The following IQANK1 variants were observed in gnomAD, a reference collection of about 807,000 sequenced individuals.
IQANK1 encodes the protein IQ motif and ankyrin repeat domain-containing protein 1.
Under a neutral mutation model 22.6 loss-of-function variants are expected in IQANK1, and 30 were observed. That is an observed-to-expected ratio of 1.33 (90% CI 0.99 to 1.80). The LOEUF (loss-of-function observed/expected upper bound fraction) is 1.80, where lower values mean the gene tolerates loss of function less well. Ranked by LOEUF, IQANK1 falls within the 40% of genes most tolerant of loss-of-function variation. The pLI is 0.00. For missense variants in IQANK1, 275 were observed against 235.2 expected (o/e 1.17, Z -1.11); for synonymous variants, 122 against 99.6 (o/e 1.23, Z -1.34).
chr8:143,740,001 AG>A (rs1165717294), intron 3 of IQANK1, 53 bp downstream of exon 3: 14 of 660,078 alleles, frequency 2.1e-5, no homozygotes, highest in South Asian at 4.9e-5. Context: ...AGCTGTTGGC[AG>A]GGGGGTGCCC....
chr8:143,790,402 G>T lies in IQANK1; in HGVS notation c.1477G>T (p.Val493Leu). The change falls in exon 14 of 14, where the codon GTG (valine) becomes TTG (leucine). Residue 493 changes from valine to leucine, a missense_variant. Physicochemically the swap from Val to Leu is conservative, Grantham distance 32 (BLOSUM62 1). Transcript: ENST00000527139. The stretch of plus-strand genomic sequence containing the variant: ...GCGAGAGGAAGACCTGTTCCCAGTC[G>T]TGCAGCGGCAGCTGGAGGCGGTGCA... ...DLREEDLFPVVQRQLEAVQER... is the reference protein window; with the variant it reads ...DLREEDLFPVLQRQLEAVQER... The T allele has an allele frequency of 1.2e-6, 1 of 836,946 alleles. No homozygotes were observed. 51.8% of individuals were successfully genotyped at this position (836,946 alleles called of 1,614,324 possible).
At chr8:143,767,138 A>C (rs1011232397) in intron 3 of IQANK1, among the ~76,000 whole-genome samples, 2 of 152,250 alleles carry the variant, frequency 1.3e-5, no homozygotes, top group African/African-American at 4.8e-5. Flanking sequence ...GCTCTTTCGC[A>C]GATACATTCC....
At chr8:143,749,535 TATATG>T (rs1449726730) in intron 3 of IQANK1, among the ~76,000 whole-genome samples, 7 of 136,904 alleles carry the variant, frequency 5.1e-5, no homozygotes, top group Non-Finnish European at 1.1e-4. Flanking sequence ...CACATAAAAA[TATATG>T]ATATATATGA....
At chr8:143,764,206 G>C (rs781972904) in intron 3 of IQANK1, among the ~76,000 whole-genome samples, 15 of 151,548 alleles carry the variant, frequency 9.9e-5, no homozygotes, top group Non-Finnish European at 1.3e-4. Flanking sequence ...CTTGGTAGCA[G>C]AAAAAAAACG....
chr8:143,735,382 G>A lies in IQANK1; in HGVS notation c.-4-468G>A, dbSNP rs1726060265. Reference sequence around the variant, plus strand: ...CCACATAAGGTCTGAGGGTGTGGAGGGGTGAGTGCCTTGGGTGGGCTGGGG... The same window carrying A: ...CCACATAAGGTCTGAGGGTGTGGAGAGGTGAGTGCCTTGGGTGGGCTGGGG... On this transcript the variant is annotated intron_variant, in intron 1 of 13. Transcript: ENST00000527139. The surrounding 1 kb of genome is among the most constrained non-coding windows in gnomAD (Gnocchi z 5.2). 6.6e-6 allele frequency among the ~76,000 whole-genome samples: 1 copy of A among 152,194 alleles called. No individual in the cohort carries two copies. The highest frequency in any genetic ancestry group is 2.4e-5 in the African/African-American group (1 of 41,444).
At chr8:143,755,762 G>A (rs1819279126) in intron 3 of IQANK1, among the ~76,000 whole-genome samples, 1 of 152,216 alleles carries the variant, frequency 6.6e-6, no homozygotes, top group African/African-American at 2.4e-5. Flanking sequence ...AGGACACGCA[G>A]TGCCCCTTCA....
intron 2 of IQANK1, among the ~76,000 whole-genome samples, chr8:143,738,575 G>T (rs917641961): frequency 1.3e-5 from 2 of 152,230 alleles, no homozygotes; most frequent in South Asian, 4.1e-4. Context: ...CAGGCCACGG[G>T]CCCTGCCGGC....
chr8:143,735,846 C>A lies in IQANK1; in HGVS notation c.-4-4C>A. 1.4e-6 allele frequency: 1 copy of A among 702,648 alleles called. No individual in the cohort carries two copies. Among genetic ancestry groups the A allele is most frequent in the Non-Finnish European group, 2.6e-6 (1 of 384,900 alleles). 43.5% of individuals were successfully genotyped at this position (702,648 alleles called of 1,614,324 possible). A position where few individuals can be genotyped will look rare whatever the true frequency, so the allele number is the denominator to read the frequency against. Reference sequence around the variant, plus strand: ...TCCCTGGTCCTTCCCTACCCACCCCCCAGGAGAATGGACAGTAAGAAGGGG... The same window carrying A: ...TCCCTGGTCCTTCCCTACCCACCCCACAGGAGAATGGACAGTAAGAAGGGG... On this transcript the variant is annotated splice_region_variant and splice_polypyrimidine_tract_variant and intron_variant, in intron 1 of 13. Transcript: ENST00000527139. This position sits in a 1 kb window ranked among gnomAD's most constrained non-coding sequence, Gnocchi z 5.2.
At chr8:143,749,731 T>A (rs1219714239) in intron 3 of IQANK1, among the ~76,000 whole-genome samples, 1 of 148,896 alleles carries the variant, frequency 6.7e-6, no homozygotes, top group Admixed American at 6.8e-5. Context: ...CCTGGCTAAT[T>A]TTTGTGTTTT....
chr8:143,748,830 T>TTCATATATAATATATAAATATATATA (rs1819104201), intron 3 of IQANK1, among the ~76,000 whole-genome samples: 40 of 84,010 alleles, frequency 4.8e-4, no homozygotes, highest in African/African-American at 1.7e-3. Flanking sequence ...AAATATATAT[T>TTCATATATAATATATAAATATATATA]TCATATATAA....
intron 2 of IQANK1, among the ~76,000 whole-genome samples, chr8:143,737,184 A>G (rs1355680949): frequency 1.3e-5 from 2 of 152,218 alleles, no homozygotes; most frequent in Admixed American, 6.5e-5. Context: ...TCTAGCCCTG[A>G]GTACACTGCA....
chr8:143,751,650 G>GTATATATATATATATA (rs1223222979), intron 3 of IQANK1, among the ~76,000 whole-genome samples: 1 of 27,850 alleles, frequency 3.6e-5, no homozygotes, highest in African/African-American at 8.1e-5. Flanking sequence ...GTGTGTGTGT[G>GTATATATATATATATA]TGTGTGTGTG....
Position 143,761,254 on chromosome 8 carries a change from A to G in IQANK1, c.176-10234A>G, listed in dbSNP as rs1163864229. ...CCCTTTACCCCCGGGGCCCCGCGCC[A>G]GCCTAGTGGCGGGACGGCCTCCCGT... On this transcript the variant is annotated intron_variant, in intron 3 of 13. Transcript: ENST00000527139. Among the ~76,000 whole-genome samples the G allele has an allele frequency of 2.0e-5, 3 of 152,104 alleles. No individual in the cohort carries two copies. The South Asian group carries it at 6.2e-4, about 31-fold the overall frequency.
chr8:143,736,177 T>C (rs62526392), intron 2 of IQANK1, among the ~76,000 whole-genome samples: 8,864 of 151,552 alleles, frequency 0.058, 530 homozygotes, highest in African/African-American at 0.15. Context: ...GTCTCGCTCT[T>C]GTCACCCAGT....
chr8:143,763,563 G>C (rs533149141), intron 3 of IQANK1, among the ~76,000 whole-genome samples: 2 of 152,288 alleles, frequency 1.3e-5, no homozygotes, highest in Admixed American at 1.3e-4. Context: ...GTTCCACTCC[G>C]TGAGCTCACA....
chr8:143,742,690 C>T (rs991908261), intron 3 of IQANK1: 15 of 455,796 alleles, frequency 3.3e-5, no homozygotes, highest in Admixed American at 1.6e-4. Flanking sequence ...CAGAAACCTG[C>T]GGGAAGCTCC....
In IQANK1 at chr8:143,757,221, C is replaced by T. The variant is rs79654697; in HGVS notation, c.176-14267C>T. Among the ~76,000 whole-genome samples the T allele has an allele frequency of 9.7e-3, 1,482 of 152,320 alleles. 24 individuals are homozygous for T. Among genetic ancestry groups the T allele is most frequent in the African/African-American group, 0.033 (1,386 of 41,566 alleles). On this transcript the variant is annotated intron_variant, in intron 3 of 13. Coordinates refer to ENST00000527139, the MANE Select transcript of IQANK1 (RefSeq NM_001381874.1). ...AGGGGCCAACTCAAAGCCACCAGACCATGAACTAATTGATGAATGGGTTGC... is the reference window on the plus strand; with the variant it reads ...AGGGGCCAACTCAAAGCCACCAGACTATGAACTAATTGATGAATGGGTTGC...
chr8:143,741,791 A>C (rs1554626531), intron 3 of IQANK1: 1 of 153,998 alleles, frequency 6.5e-6, no homozygotes, highest in Non-Finnish European at 1.4e-5. Context: ...CTATTTTTGC[A>C]CTCGAGGCTA....
chr8:143,764,737 GA>G (rs1307207898), intron 3 of IQANK1, among the ~76,000 whole-genome samples: 1 of 152,198 alleles, frequency 6.6e-6, no homozygotes, highest in Non-Finnish European at 1.5e-5. Flanking sequence ...AAGAGATGGA[GA>G]GAGAGAATGT....
Sources: gnomAD v4.1 joint callset for allele counts (sites outside exome capture counted in the v4.1 genomes callset) on GRCh38, gnomAD v4.1.1 for gene constraint, Gnocchi (gnomAD v3.1) non-coding constraint, MANE v1.5 for transcripts, NCBI Gene and HGNC (gene_info 2026-07-23, HGNC 2026-07-21) for gene names.